Variants in ZSCAN5C observed in about 807,000 individuals in gnomAD.
ZSCAN5C encodes zinc finger and SCAN domain-containing protein 5C.
Under a neutral mutation model 17.3 loss-of-function variants are expected in ZSCAN5C, and 11 were observed. The ratio of observed to expected loss-of-function variants is 0.64; its 90% confidence interval spans 0.40 to 1.06. The LOEUF (loss-of-function observed/expected upper bound fraction) is 1.06. ZSCAN5C is among the 50% of genes least tolerant of loss of function. The pLI is 0.00. For missense variants in ZSCAN5C, 698 were observed against 538.9 expected, an observed-to-expected ratio of 1.30 and a Z score of -2.92; for synonymous variants, 229 against 208.4, an observed-to-expected ratio of 1.10 and a Z score of -0.85.
chr19:56,209,358 C>T (rs879259600), downstream of ZSCAN5C: 14 of 488,760 alleles, frequency 2.9e-5, no homozygotes, highest in South Asian at 1.8e-4. Flanking sequence ...TTTTCCTCCC[C>T]GGGGGAATTT....
At chr19:56,205,881 C>G (rs756229875) in exon 2 of ZSCAN5C, 18 of 927,172 alleles carry the variant, frequency 1.9e-5, no homozygotes, top group Non-Finnish European at 2.8e-5. Context: ...GAAGAGCTTT[C>G]CCAGAGACAG....
intron 1 of ZSCAN5C, among the ~76,000 whole-genome samples, chr19:56,203,381 G>C (rs2032890234): frequency 6.6e-6 from 1 of 151,880 alleles, no homozygotes; most frequent in Non-Finnish European, 1.5e-5. Context: ...AATGTAAAAT[G>C]GGTAAATTGA....
chr19:56,205,875 A>C (rs781770032), exon 2 of ZSCAN5C: 2 of 876,996 alleles, frequency 2.3e-6, no homozygotes, highest in South Asian at 2.9e-5. Context: ...CTTCTGGAAG[A>C]GCTTTCCCAG....
intron 1 of ZSCAN5C, among the ~76,000 whole-genome samples, chr19:56,203,906 T>G (rs573568756): frequency 6.6e-6 from 1 of 151,744 alleles, no homozygotes; most frequent in African/African-American, 2.4e-5. Flanking sequence ...ATCTCAGCCG[T>G]CCAACGTGCT....
exon 5 of ZSCAN5C, chr19:56,208,700 A>G (rs776133024): frequency 6.2e-7 from 1 of 1,612,748 alleles, no homozygotes; most frequent in Non-Finnish European, 8.5e-7. Context: ...AGCTGAGATC[A>G]ATCCAGTTCA....
At position 56,203,284 on chromosome 19, in the gene ZSCAN5C, C is replaced by CA. The variant is rs61271192; in HGVS notation, c.-128+973dup. 6.1e-4 allele frequency among the ~76,000 whole-genome samples: 89 copies of CA among 145,374 alleles called. 1 individual carries two copies. Among genetic ancestry groups the CA allele is most frequent in the East Asian group, 2.6e-3 (13 of 5,078 alleles). Reference sequence around the variant, plus strand: ...TCTCTCTCATATCCATATGCTTTTTCAAAAAAAAAAATTTACTTTTAAATT... The same window carrying CA: ...TCTCTCTCATATCCATATGCTTTTTCAAAAAAAAAAAATTTACTTTTAAATT... On this transcript the variant is annotated intron_variant, in intron 1 of 4. Transcript: ENST00000534327.
exon 3 of ZSCAN5C, chr19:56,207,198 A>G (rs375519355): frequency 2.4e-5 from 19 of 778,082 alleles, no homozygotes; most frequent in South Asian, 1.4e-4. Context: ...ATGTGTCCGG[A>G]GGAAGGCCAG....
chr19:56,207,415 C>T (rs1291257106), intron 3 of ZSCAN5C, among the ~76,000 whole-genome samples, 153 bp downstream of exon 3: 1 of 151,720 alleles, frequency 6.6e-6, no homozygotes, highest in Admixed American at 6.6e-5. Context: ...CATTCCTGAG[C>T]CATCACAGAG....
intron 4 of ZSCAN5C, 119 bp downstream of exon 4, chr19:56,208,303 C>G: frequency 1.5e-6 from 1 of 683,406 alleles, no homozygotes; most frequent in South Asian, 1.8e-5. Flanking sequence ...GCCTCTCCAT[C>G]CCTTACTCTC....
chr19:56,206,229 A>G (rs753537807), exon 2 of ZSCAN5C: 192 of 1,574,686 alleles, frequency 1.2e-4, no homozygotes, highest in African/African-American at 3.5e-4. Flanking sequence ...CTTAGTCATG[A>G]TGAACGGTGT....
chr19:56,205,882 C>T (rs1036251209), exon 2 of ZSCAN5C: 4 of 934,382 alleles, frequency 4.3e-6, no homozygotes, highest in African/African-American at 1.6e-5. Flanking sequence ...AAGAGCTTTC[C>T]CAGAGACAGA....
chr19:56,209,245 A>G (rs1209208505), downstream of ZSCAN5C: 1 of 641,856 alleles, frequency 1.6e-6, no homozygotes, highest in African/African-American at 1.8e-5. Context: ...GTGTGAATGA[A>G]GATTTTTCAC....
At chr19:56,204,586 A>T (rs1184271394) in intron 1 of ZSCAN5C, among the ~76,000 whole-genome samples, 2 of 151,588 alleles carry the variant, frequency 1.3e-5, no homozygotes, top group Non-Finnish European at 2.9e-5. Context: ...TGAGTTGCTT[A>T]TGTTTTGCAC....
At chr19:56,204,035 AT>A in intron 1 of ZSCAN5C, among the ~76,000 whole-genome samples, 1 of 151,774 alleles carries the variant, frequency 6.6e-6, no homozygotes, top group Non-Finnish European at 1.5e-5. Flanking sequence ...TTTATTTTAA[AT>A]TTGGGGTGTA....
chr19:56,209,256 C>T (rs185472989), downstream of ZSCAN5C: 10 of 629,654 alleles, frequency 1.6e-5, no homozygotes, highest in South Asian at 5.8e-5. Context: ...GATTTTTCAC[C>T]GATGTTGTCA....
intron 3 of ZSCAN5C, among the ~76,000 whole-genome samples, chr19:56,207,751 G>A (rs1056817309): frequency 7.9e-5 from 12 of 151,668 alleles, no homozygotes; most frequent in Non-Finnish European, 1.2e-4. Context: ...GGGTGGAGGC[G>A]GGGTCTCTGC....
chr19:56,206,011 T>C (rs1423969469), exon 2 of ZSCAN5C: 2 of 1,610,914 alleles, frequency 1.2e-6, no homozygotes, highest in Non-Finnish European at 8.5e-7. Flanking sequence ...GCAACTCAAC[T>C]TGGAAATCAT....
At chr19:56,207,625 T>C (rs73617594) in intron 3 of ZSCAN5C, among the ~76,000 whole-genome samples, 8,863 of 151,844 alleles carry the variant, frequency 0.058, 787 homozygotes, top group African/African-American at 0.17. Context: ...TGTCAATTTC[T>C]TAATTTGAGG....
chr19:56,206,038 C>T (rs765301037), exon 2 of ZSCAN5C: 7 of 1,613,260 alleles, frequency 4.3e-6, no homozygotes, highest in African/African-American at 4.0e-5. Context: ...GATCCTGAGA[C>T]TTGTCACGTG....
Sources: allele counts gnomAD v4.1 joint callset (sites outside exome capture counted in the v4.1 genomes callset), GRCh38; gene constraint gnomAD v4.1.1; transcripts MANE v1.5; gene names NCBI Gene and HGNC (gene_info 2026-07-23, HGNC 2026-07-21).